ZNF273: variants seen among roughly 807,000 people sequenced by gnomAD.
The protein encoded by ZNF273 is zinc finger protein 273, also known as zinc finger protein 9.
ZNF273 carries 11 observed loss-of-function variants against 14.9 expected under a neutral mutation model. That is an observed-to-expected ratio of 0.74 (90% CI 0.46 to 1.22). The LOEUF (loss-of-function observed/expected upper bound fraction) is 1.22, where lower values mean the gene tolerates loss of function less well. Among genes scored for constraint, ZNF273 ranks in the 50% most tolerant of loss-of-function variants. ZNF273 has a pLI of 0.00. For synonymous variants in ZNF273, 199 were observed against 223.9 expected (o/e 0.89, Z 0.99); for missense variants, 577 against 660.6 (o/e 0.87, Z 1.39).
At chr7:64,935,463 G>GATTTATCATGT (rs1282528659), downstream of ZNF273, among the ~76,000 whole-genome samples, 4 of 152,046 alleles carry the variant, frequency 2.6e-5, no homozygotes, top group East Asian at 7.7e-4. Context: ...TTTATTCAGA[G>GATTTATCATGT]ATTTATCATG....
chr7:64,936,262 T>G, the ZNF273 span, among the ~76,000 whole-genome samples: 1 of 152,100 alleles, frequency 6.6e-6, no homozygotes, highest in Non-Finnish European at 1.5e-5. Context: ...CAAATGCCAT[T>G]AGCTGCCAAA....
At chr7:64,936,393 C>A in the ZNF273 span, among the ~76,000 whole-genome samples, 3 of 152,108 alleles carry the variant, frequency 2.0e-5, no homozygotes, top group African/African-American at 7.2e-5. Flanking sequence ...CACTGGGCAC[C>A]TTCTTCTGCC....
chr7:64,889,858 G>A (rs1791866421), downstream of ZNF273: 2 of 737,910 alleles, frequency 2.7e-6, no homozygotes, highest in Non-Finnish European at 1.7e-6. This position sits in a 1 kb window ranked among gnomAD's most constrained non-coding sequence, Gnocchi z 4.2. Flanking sequence ...TTTGTCGCCT[G>A]CTGCCTCTAT....
At chr7:64,878,755 C>T (rs1341342160) in intron 2 of ZNF273, among the ~76,000 whole-genome samples, 1 of 152,204 alleles carries the variant, frequency 6.6e-6, no homozygotes, top group Non-Finnish European at 1.5e-5. Flanking sequence ...GGATGGATGA[C>T]TGATGTTTCC....
At chr7:64,890,169 C>T, downstream of ZNF273, 1 of 134,802 alleles carries the variant, frequency 7.4e-6, no homozygotes. Context: ...GATTTAGGAG[C>T]CTGGAGGAAG....
the ZNF273 span, among the ~76,000 whole-genome samples, chr7:64,936,651 A>C: frequency 6.6e-6 from 1 of 152,260 alleles, no homozygotes; most frequent in Non-Finnish European, 1.5e-5. Context: ...AATGTCAAAC[A>C]AATTTTATAA....
At chr7:64,916,542 C>CAAA (rs10712527) in intron 1 of ZNF273, among the ~76,000 whole-genome samples, 10 of 84,368 alleles carry the variant, frequency 1.2e-4, no homozygotes, top group Non-Finnish European at 1.5e-4. Flanking sequence ...AAAACTGTCT[C>CAAA]AAAAAAAAAA....
chr7:64,917,199 T>C (rs1404802955), intron 1 of ZNF273: 8 of 893,352 alleles, frequency 9.0e-6, no homozygotes, highest in Non-Finnish European at 1.2e-5. Context: ...GATCTCCAGT[T>C]TATTACTGTA....
chr7:64,887,884 G>T (rs909285353), intron 1 of ZNF273, among the ~76,000 whole-genome samples: 2 of 151,956 alleles, frequency 1.3e-5, no homozygotes, highest in African/African-American at 2.4e-5. Flanking sequence ...ATTTCAGAGG[G>T]GTGGTCGGGT....
chr7:64,926,302 G>C (rs1468261548), intron 3 of ZNF273, among the ~76,000 whole-genome samples: 1 of 152,006 alleles, frequency 6.6e-6, no homozygotes, highest in East Asian at 1.9e-4. Flanking sequence ...TGTCTTGCCT[G>C]TGACTGTTGA....
chr7:64,887,617 C>A (rs1583958624), intron 1 of ZNF273, among the ~76,000 whole-genome samples: 3 of 152,252 alleles, frequency 2.0e-5, no homozygotes, highest in East Asian at 3.9e-4. Flanking sequence ...CCTGCCTCAG[C>A]CTCCCAAGTA....
intron 1 of ZNF273, chr7:64,888,525 G>C (rs1791748850): frequency 2.0e-6 from 2 of 985,728 alleles, no homozygotes; most frequent in South Asian, 4.7e-5. Context: ...AGAATTAAGA[G>C]ATACGAAACC....
upstream of ZNF273, among the ~76,000 whole-genome samples, chr7:64,902,749 G>A (rs570307016): frequency 1.7e-4 from 26 of 152,266 alleles, no homozygotes; most frequent in African/African-American, 5.5e-4. Flanking sequence ...AAGAAAACTG[G>A]AAGTGGGGAG....
chr7:64,889,653 C>T, downstream of ZNF273: 1 of 985,930 alleles, frequency 1.0e-6, no homozygotes, highest in African/African-American at 1.7e-5. The surrounding 1 kb of genome is among the most constrained non-coding windows in gnomAD (Gnocchi z 4.2). Flanking sequence ...CCGCCTGGGT[C>T]TGTTCTGGAA....
At chr7:64,919,755 C>T (rs748534179) in intron 3 of ZNF273, among the ~76,000 whole-genome samples, 2 of 152,000 alleles carry the variant, frequency 1.3e-5, no homozygotes, top group Non-Finnish European at 2.9e-5. Context: ...CCATAACATA[C>T]GCTTGTATGT....
chr7:64,918,684 A>AAAG (rs1794199039), intron 3 of ZNF273, among the ~76,000 whole-genome samples: 1 of 124,422 alleles, frequency 8.0e-6, no homozygotes, highest in Non-Finnish European at 1.8e-5. Context: ...AAAAAAAAAA[A>AAAG]AAAATGTGAT....
downstream of ZNF273, among the ~76,000 whole-genome samples, chr7:64,890,551 G>C (rs1791945067): frequency 6.6e-6 from 1 of 152,158 alleles, no homozygotes; most frequent in Non-Finnish European, 1.5e-5. Flanking sequence ...CTGCCCAGTG[G>C]GGATCTGAGC....
At chr7:64,878,954 C>G (rs1286623795) in intron 2 of ZNF273, among the ~76,000 whole-genome samples, 2 of 152,204 alleles carry the variant, frequency 1.3e-5, no homozygotes, top group East Asian at 3.8e-4. Flanking sequence ...GACTGGGCAG[C>G]TGCGATACTG....
At chr7:64,894,125 C>T (rs114006216), downstream of ZNF273, among the ~76,000 whole-genome samples, 1,397 of 152,234 alleles carry the variant, frequency 9.2e-3, 16 homozygotes, top group African/African-American at 0.032. Context: ...CTGCCTCAGC[C>T]TCTAGAGTAG....
Sources: allele counts gnomAD v4.1 joint callset (sites outside exome capture counted in the v4.1 genomes callset), GRCh38; gene constraint gnomAD v4.1.1; non-coding constraint Gnocchi (gnomAD v3.1); transcripts MANE v1.5; gene names NCBI Gene and HGNC (gene_info 2026-07-23, HGNC 2026-07-21).